Variants in GRID2 observed in about 807,000 individuals in gnomAD.
The protein encoded by GRID2 is glutamate receptor ionotropic, delta-2.
Under a neutral mutation model 114.8 loss-of-function variants are expected in GRID2, and 33 were observed. The observed-to-expected ratio is 0.29, with a 90% CI of 0.22 to 0.38. GRID2 has a LOEUF of 0.38. GRID2 is among the 10% of genes least tolerant of loss of function. The probability of loss-of-function intolerance (pLI) is 1.00; values close to 1 mark genes in which losing one functional copy is unlikely to be tolerated. For synonymous variants in GRID2, 505 were observed against 449.9 expected (o/e 1.12, Z -1.55); for missense variants, 1,184 against 1,257.7 (o/e 0.94, Z 0.89).
At chr4:93,402,461 A>T (rs1450399453) in intron 9 of GRID2, among the ~76,000 whole-genome samples, 5 of 152,152 alleles carry the variant, frequency 3.3e-5, no homozygotes, top group Non-Finnish European at 5.9e-5. Flanking sequence ...ATGATGTGTA[A>T]ACTCAGTAAA....
intron 2 of GRID2, among the ~76,000 whole-genome samples, chr4:92,934,272 G>A (rs1357519470): frequency 6.6e-6 from 1 of 151,712 alleles, no homozygotes; most frequent in Non-Finnish European, 1.5e-5. Context: ...TGGATTCCTA[G>A]GTATTTTATT....
At chr4:92,796,935 G>T (rs769422280) in intron 2 of GRID2, among the ~76,000 whole-genome samples, 1 of 151,800 alleles carries the variant, frequency 6.6e-6, no homozygotes, top group Non-Finnish European at 1.5e-5. Context: ...AAGATAAAAA[G>T]ATATTTTTCA....
chr4:93,617,692 T>G (rs1358237865), intron 13 of GRID2, among the ~76,000 whole-genome samples: 2 of 152,176 alleles, frequency 1.3e-5, no homozygotes, highest in Non-Finnish European at 2.9e-5. Context: ...ATTAACATTA[T>G]CTTGGTATCG....
intron 4 of GRID2, among the ~76,000 whole-genome samples, chr4:93,114,037 T>C (rs1444254030): frequency 6.6e-6 from 1 of 152,106 alleles, no homozygotes; most frequent in Non-Finnish European, 1.5e-5. Flanking sequence ...GAGACTGATA[T>C]CAGAACCAGG....
At chr4:93,679,355 A>G (rs560206869) in intron 14 of GRID2, among the ~76,000 whole-genome samples, 1 of 150,958 alleles carries the variant, frequency 6.6e-6, no homozygotes, top group South Asian at 2.1e-4. Flanking sequence ...CACTGTCAAC[A>G]TTAGACAGAT....
intron 2 of GRID2, among the ~76,000 whole-genome samples, chr4:92,663,320 G>A (rs1281722359): frequency 6.6e-6 from 1 of 151,134 alleles, no homozygotes; most frequent in Non-Finnish European, 1.5e-5. Flanking sequence ...GGGCTTCAAA[G>A]TTCACTTGTG....
chr4:93,370,880 C>A (rs1762823922), intron 8 of GRID2, among the ~76,000 whole-genome samples: 2 of 152,080 alleles, frequency 1.3e-5, no homozygotes, highest in African/African-American at 4.8e-5. Flanking sequence ...TGACACATAG[C>A]AAATGCTCAT....
intron 1 of GRID2, among the ~76,000 whole-genome samples, chr4:92,440,402 C>G (rs576442237): frequency 6.6e-6 from 1 of 150,936 alleles, no homozygotes; most frequent in Non-Finnish European, 1.5e-5. Flanking sequence ...GGAAAGGCCT[C>G]TACCTATCCA....
intron 8 of GRID2, among the ~76,000 whole-genome samples, chr4:93,281,405 G>T (rs1218468022): frequency 6.6e-6 from 1 of 151,882 alleles, no homozygotes; most frequent in Non-Finnish European, 1.5e-5. Context: ...AAAAAACAGG[G>T]AGAGAACAGT....
Position 93,650,258 on chromosome 4 carries a change from G to A in GRID2, c.2360+23823G>A, listed in dbSNP as rs1722468797. ...ACTGGAAAGTGGGGAAAAAAAATAA[G>A]GACAAAATCATCAGATGTTAACTCA... On this transcript the variant is annotated intron_variant, in intron 14 of 15. Transcript: ENST00000282020. 2.6e-5 allele frequency among the ~76,000 whole-genome samples: 4 copies of A among 152,062 alleles called. No individual in the cohort carries two copies. The South Asian group carries it at 8.3e-4, about 32-fold the overall frequency.
In GRID2 at chr4:92,914,953, A is replaced by G. The variant is rs930334783; in HGVS notation, c.245-170042A>G. ...TGTATTAGTCTATCTTCATGTTGCT[A>G]TAAAGAACTTCCCCAGACTGGGTAA... On this transcript the variant is annotated intron_variant, in intron 2 of 15. Coordinates refer to ENST00000282020, the MANE Select transcript of GRID2 (RefSeq NM_001510.4). Among the ~76,000 whole-genome samples the G allele has an allele frequency of 1.7e-4, 26 of 152,096 alleles. 1 individual carries two copies. The highest frequency in any genetic ancestry group is 3.4e-4 in the Non-Finnish European group (23 of 68,024).
chr4:93,750,710 C>T (rs990882851), intron 14 of GRID2, among the ~76,000 whole-genome samples: 14 of 151,836 alleles, frequency 9.2e-5, no homozygotes, highest in African/African-American at 2.9e-4. Context: ...GAGCTGGGAT[C>T]GCGCCACTAC....
At chr4:93,646,748 A>G (rs1388998377) in intron 14 of GRID2, among the ~76,000 whole-genome samples, 2 of 152,108 alleles carry the variant, frequency 1.3e-5, no homozygotes, top group African/African-American at 4.8e-5. Context: ...TTGAGATGTG[A>G]AAGTGGCAGC....
intron 8 of GRID2, among the ~76,000 whole-genome samples, chr4:93,348,600 T>G (rs1212537570): frequency 6.6e-6 from 1 of 152,154 alleles, no homozygotes; most frequent in Non-Finnish European, 1.5e-5. Context: ...TTGGAAATTA[T>G]TCTTTGGAAG....
intron 1 of GRID2, among the ~76,000 whole-genome samples, chr4:92,318,290 GTA>G (rs1553923538): frequency 4.3e-4 from 45 of 104,108 alleles, no homozygotes; most frequent in East Asian, 1.3e-3. Context: ...ATATATGTGT[GTA>G]TATATATATA....
rs200040698 is a variant in GRID2, at chr4:92,323,714, T to C, written c.88+18970T>C. ...GAAGCTTGCCACCTTCCTCCTTTCTTCTTCTCTGGTGATTTTGGCCTGATC... is the reference window on the plus strand; with the variant it reads ...GAAGCTTGCCACCTTCCTCCTTTCTCCTTCTCTGGTGATTTTGGCCTGATC... On this transcript the variant is annotated intron_variant, in intron 1 of 15. Transcript: ENST00000282020. Among the ~76,000 whole-genome samples the C allele has an allele frequency of 1.4e-4, 22 of 152,136 alleles. No homozygotes were observed. The East Asian group carries it at 3.3e-3, about 23-fold the overall frequency.
intron 1 of GRID2, among the ~76,000 whole-genome samples, chr4:92,391,683 T>C (rs1027783133): frequency 2.0e-5 from 3 of 152,148 alleles, no homozygotes; most frequent in African/African-American, 7.2e-5. Context: ...TAGGTAAAAA[T>C]GTCATCCTCA....
At chr4:92,914,978 A>G (rs146093009) in intron 2 of GRID2, among the ~76,000 whole-genome samples, 143 of 152,250 alleles carry the variant, frequency 9.4e-4, no homozygotes, top group Middle Eastern at 3.4e-3. Context: ...AGACTGGGTA[A>G]TATAAAGGAA....
chr4:93,800,712 G>A (rs1734911243), intron 1 of GRID2, among the ~76,000 whole-genome samples: 1 of 152,098 alleles, frequency 6.6e-6, no homozygotes, highest in African/African-American at 2.4e-5. Context: ...AGACATTATA[G>A]TGATGAAAGT....
Sources: allele counts gnomAD v4.1 joint callset (sites outside exome capture counted in the v4.1 genomes callset), GRCh38; gene constraint gnomAD v4.1.1; transcripts MANE v1.5; gene names NCBI Gene and HGNC (gene_info 2026-07-23, HGNC 2026-07-21).